Variants in SMTN observed in about 807,000 individuals in gnomAD.
SMTN encodes the protein smoothelin.
In SMTN, 58 loss-of-function variants were observed where a neutral mutation model predicts 102.0. The observed-to-expected ratio is 0.57, with a 90% CI of 0.46 to 0.71. The LOEUF (loss-of-function observed/expected upper bound fraction) is 0.71, where lower values mean the gene tolerates loss of function less well. SMTN is among the 30% of genes least tolerant of loss of function. The pLI is 0.00. For synonymous variants in SMTN, 478 were observed against 497.9 expected (o/e 0.96, Z 0.53); for missense variants, 1,185 against 1,241.7 (o/e 0.95, Z 0.69).
At chr22:31,097,525 A>G (rs1367817324) in intron 16 of SMTN, among the ~76,000 whole-genome samples, 187 bp downstream of exon 16, 3 of 151,904 alleles carry the variant, frequency 2.0e-5, no homozygotes, top group African/African-American at 7.3e-5. Context: ...CCAACATGGT[A>G]AAACCTCATC....
upstream of SMTN, chr22:31,081,214 CA>C (rs1451744929): frequency 1.3e-5 from 2 of 152,092 alleles, no homozygotes; most frequent in Non-Finnish European, 2.9e-5. Context: ...TGAATTTTCC[CA>C]ATGGGGCACG....
intron 1 of SMTN, chr22:31,082,762 G>A: frequency 9.0e-7 from 1 of 1,113,118 alleles, no homozygotes; most frequent in Non-Finnish European, 1.3e-6. Context: ...AGCCTGCGGA[G>A]TGGGTGGGGG....
At chr22:31,097,101 C>T (rs758289137) in intron 15 of SMTN, 41 bp downstream of exon 15, 18 of 1,588,542 alleles carry the variant, frequency 1.1e-5, no homozygotes, top group African/African-American at 2.7e-5. Context: ...CCTGCCTGTC[C>T]GCCCACCTCC....
chr22:31,100,409 CTG>C (rs2147808941), intron 19 of SMTN, among the ~76,000 whole-genome samples: 1 of 152,262 alleles, frequency 6.6e-6, no homozygotes, highest in African/African-American at 2.4e-5. Context: ...CCTTCTCCAT[CTG>C]TCTTCCCTTC....
chr22:31,071,181 A>G (rs2041989534), intron 1 of SMTN, among the ~76,000 whole-genome samples: 1 of 147,156 alleles, frequency 6.8e-6, no homozygotes, highest in African/African-American at 2.5e-5. Flanking sequence ...TCAAGGCTTC[A>G]GTGAGCCATG....
Position 31,095,829 on chromosome 22 carries a change from C to T in SMTN, c.1861+220C>T, listed in dbSNP as rs2043544027. ...TGGTGACCCCAGTTATTCTCCCCAA[C>T]CAGCTTCTCTTCTCCTTCCTAGACC... On this transcript the variant is annotated intron_variant, in intron 13 of 20. Coordinates refer to ENST00000333137, the MANE Select transcript of SMTN (RefSeq NM_134269.3). This position sits in a 1 kb window ranked among gnomAD's most constrained non-coding sequence, Gnocchi z 4.1. 3.4e-6 allele frequency: 2 copies of T among 588,606 alleles called. No individual in the cohort carries two copies. The highest frequency in any genetic ancestry group is 3.1e-5 in the Admixed American group (1 of 32,186). The allele number at this position is 588,606 out of a possible 1,614,324, so 36.5% of individuals were successfully genotyped here.
Position 31,097,287 on chromosome 22 carries a change from T to C in SMTN, c.2108T>C (p.Met703Thr), listed in dbSNP as rs149678046. 568 of 1,614,028 alleles carry C rather than the reference T, an allele frequency of 3.5e-4. 1 individual carries two copies. The highest frequency in any genetic ancestry group is 4.5e-4 in the Non-Finnish European group (535 of 1,180,028). Residue 703 changes from methionine to threonine, a missense_variant, in exon 16 of 21, where the codon ATG becomes ACG. Physicochemically the swap from Met to Thr is moderately conservative, Grantham distance 81 (BLOSUM62 -1). Coordinates refer to ENST00000333137, the MANE Select transcript of SMTN (RefSeq NM_134269.3). The part of the protein sequence containing the change: ...RRSENGSGST[M>T]MQTKTFSSSS... ...TTTGCAGATGGCAGTGGCAGCACCA[T>C]GATGCAAACCAAGACCTTCTCCTCT...
In SMTN at chr22:31,087,989, G is replaced by A. The variant is rs1273654934; in HGVS notation, c.76G>A (p.Glu26Lys). ...GCTGGAGGTCACAGCAGATCTGGCA[G>A]AGCGGCGGCGCATCCGCTCAGCCAT... ...KLLEVTADLAERRRIRSAIRE... is the reference protein window; with the variant it reads ...KLLEVTADLAKRRRIRSAIRE... Residue 26 changes from glutamate to lysine, a missense_variant, in exon 3 of 21, where the codon GAG becomes AAG. Coordinates refer to ENST00000333137, the MANE Select transcript of SMTN (RefSeq NM_134269.3). The A allele has an allele frequency of 1.2e-6, 2 of 1,606,202 alleles. No individual in the cohort carries two copies. The highest frequency in any genetic ancestry group is 4.5e-5 in the East Asian group (2 of 44,670).
rs529416154 is a variant in SMTN, at chr22:31,072,608, C to T, written c.-385-7842C>T. ...TCCCAAGTAGCTGGGATTACAGGTG[C>T]CCGCCACCACGCCTGGCTAATTTTT... On this transcript the variant is annotated intron_variant, in intron 1 of 3. Coordinates refer to the SMTN transcript ENST00000422839. Among the ~76,000 whole-genome samples, 23 of 151,878 alleles carry T rather than the reference C, an allele frequency of 1.5e-4. 1 individual carries two copies. Among genetic ancestry groups the T allele is most frequent in the Admixed American group, 1.3e-3 (20 of 15,248 alleles).
intron 16 of SMTN, 80 bp from the exon 17 acceptor site, chr22:31,098,587 C>CG: frequency 2.8e-6 from 4 of 1,432,618 alleles, no homozygotes; most frequent in Non-Finnish European, 1.9e-6. Flanking sequence ...ACAAGACCCC[C>CG]CCTCCTCCTC....
At chr22:31,088,827 A>G in intron 5 of SMTN, 45 bp from the exon 6 acceptor site, 2 of 1,611,782 alleles carry the variant, frequency 1.2e-6, no homozygotes, top group Non-Finnish European at 1.7e-6. Context: ...TGCTGTCCAC[A>G]GCACCTCCCT....
chr22:31,104,483 G>A lies in SMTN; in HGVS notation c.*188G>A. ...AATGTCTAGCCTGCCCGCCCGCATG[G>A]CCAGCCAGTGGCAAGCTGCCGCCCC... On this transcript the variant is annotated 3_prime_UTR_variant, in exon 21 of 21. Coordinates refer to ENST00000333137, the MANE Select transcript of SMTN (RefSeq NM_134269.3). 6.2e-7 allele frequency: 1 copy of A among 1,600,486 alleles called. No homozygotes were observed. Among genetic ancestry groups the A allele is most frequent in the East Asian group, 2.3e-5 (1 of 44,360 alleles).
chr22:31,070,419 G>A (rs566887142), intron 1 of SMTN, among the ~76,000 whole-genome samples: 61 of 151,810 alleles, frequency 4.0e-4, no homozygotes, highest in Non-Finnish European at 7.8e-4. Flanking sequence ...CTTCACTCAC[G>A]TTGGTCTTCC....
rs1230589555 is a variant in SMTN, at chr22:31,104,530, T to C, written c.*235T>C. On this transcript the variant is annotated 3_prime_UTR_variant, in exon 21 of 21. Transcript: ENST00000333137. ...CCCCCACTCTCCGGGCACCGTCTCC[T>C]GCCTGTGCGTCCGCCCACCGCTGCC... 6.4e-7 allele frequency: 1 copy of C among 1,555,084 alleles called. No homozygotes were observed. Among genetic ancestry groups the C allele is most frequent in the Non-Finnish European group, 8.8e-7 (1 of 1,138,566 alleles).
chr22:31,088,106 T>C lies in SMTN; in HGVS notation c.193T>C (p.Trp65Arg), dbSNP rs752673592. 3 of 1,598,968 alleles carry C rather than the reference T, an allele frequency of 1.9e-6. No homozygotes were observed. The highest frequency in any genetic ancestry group is 1.7e-5 in the Admixed American group (1 of 58,728). ...CGAGCGGCAGGACAACAAGGAGAAC[T>C]GGCTGCAGTGAGTAGCGGGGGGTGG... The part of the protein sequence containing the change: ...RAERQDNKEN[W>R]LHSQQREAEQ... The change falls in exon 3 of 21, where the codon TGG (tryptophan) becomes CGG (arginine). Residue 65 changes from tryptophan to arginine, a missense_variant. Physicochemically the swap from Trp to Arg is moderately radical, Grantham distance 101 (BLOSUM62 -3). Transcript: ENST00000333137.
chr22:31,094,085 C>T (rs1361041160), intron 11 of SMTN, among the ~76,000 whole-genome samples: 2 of 152,212 alleles, frequency 1.3e-5, no homozygotes, highest in Non-Finnish European at 2.9e-5. Context: ...CTGGCATGAC[C>T]CAGGCCCCAG....
intron 11 of SMTN, chr22:31,093,570 C>T (rs758442890): frequency 6.8e-6 from 5 of 732,248 alleles, no homozygotes; most frequent in South Asian, 4.4e-5. Flanking sequence ...CCCAGGCAGC[C>T]GAGGTAGCTG....
chr22:31,068,427 G>C (rs1322997430), intron 1 of SMTN: 2 of 152,108 alleles, frequency 1.3e-5, no homozygotes, highest in East Asian at 3.9e-4. Context: ...CCTGCTCCCA[G>C]TATTTTCCAA....
At chr22:31,085,272 G>A (rs562080307) in intron 2 of SMTN, 5 of 1,510,694 alleles carry the variant, frequency 3.3e-6, no homozygotes, top group Admixed American at 4.0e-5. Flanking sequence ...CTACCCCTTC[G>A]GCGCCTAGCG....
Sources: gnomAD v4.1 joint callset for allele counts (sites outside exome capture counted in the v4.1 genomes callset) on GRCh38, gnomAD v4.1.1 for gene constraint, Gnocchi (gnomAD v3.1) non-coding constraint, MANE v1.5 for transcripts, NCBI Gene and HGNC (gene_info 2026-07-23, HGNC 2026-07-21) for gene names.